APOOL: variants seen among roughly 807,000 people sequenced by gnomAD.
APOOL encodes the protein apolipoprotein O like.
A neutral mutation model predicts 23.1 loss-of-function variants in APOOL; 12 were observed. That is an observed-to-expected ratio of 0.52 (90% confidence interval 0.33 to 0.84). The LOEUF (loss-of-function observed/expected upper bound fraction) is 0.84, where lower values mean the gene tolerates loss of function less well. APOOL is among the 40% of genes least tolerant of loss of function. The pLI is 0.02. For synonymous variants in APOOL, 77 were observed against 69.9 expected (o/e 1.10, Z -0.51); for missense variants, 212 against 199.6 (o/e 1.06, Z -0.37).
At chrX:85,073,299 T>G (rs2040217193) in intron 6 of APOOL, among the ~76,000 whole-genome samples, 1 of 111,387 alleles carries the variant, frequency 9.0e-6, no homozygotes, top group Admixed American at 9.7e-5. Flanking sequence ...GAAATTACTT[T>G]AACTAAAATG....
At chrX:85,086,945 C>A (rs1449207915) in intron 8 of APOOL, among the ~76,000 whole-genome samples, 1 of 110,137 alleles carries the variant, frequency 9.1e-6, no homozygotes, top group Non-Finnish European at 1.9e-5. Flanking sequence ...GTGATCCGCC[C>A]GTCTCGGCCT....
At position 85,074,268 on chromosome X, in the gene APOOL, A is replaced by G. The variant is rs200281966; in HGVS notation, c.601-6A>G. ...CTTATGAAGGAAAAATCTGTTTGGT[A>G]AACAGCTAGGATCCTCTTCCGAAAT... is the stretch of plus-strand genomic sequence containing the variant. On this transcript the variant is annotated splice_polypyrimidine_tract_variant and splice_region_variant and intron_variant, in intron 7 of 8. Coordinates refer to ENST00000373173, the MANE Select transcript of APOOL (RefSeq NM_198450.6). 9.9e-6 allele frequency: 12 copies of G among 1,208,613 alleles called. No homozygotes were observed. The African/African-American group carries it at 2.1e-4, about 21-fold the overall frequency.
At chrX:85,065,514 A>T (rs952538703) in intron 5 of APOOL, among the ~76,000 whole-genome samples, 1 of 111,526 alleles carries the variant, frequency 9.0e-6, no homozygotes, top group Non-Finnish European at 1.9e-5. Flanking sequence ...AGTGGCTGGT[A>T]ATGGTTTTTC....
chrX:85,010,070 C>T (rs995090699), intron 1 of APOOL, among the ~76,000 whole-genome samples: 2 of 111,057 alleles, frequency 1.8e-5, no homozygotes, highest in African/African-American at 3.3e-5. Context: ...TGGGTTGATT[C>T]CATATCTTTG....
intron 8 of APOOL, among the ~76,000 whole-genome samples, chrX:85,083,279 A>T (rs1924177972): frequency 9.0e-6 from 1 of 111,543 alleles, no homozygotes; most frequent in African/African-American, 3.3e-5. Context: ...ATAACAGCAG[A>T]CCCACAGATG....
intron 1 of APOOL, among the ~76,000 whole-genome samples, chrX:85,028,600 G>A (rs1020702628): frequency 1.1e-4 from 12 of 109,302 alleles, no homozygotes; most frequent in Admixed American, 5.8e-4. Context: ...GACTCTAGTC[G>A]CACTATTGTG....
chrX:85,058,477 A>G (rs1253425953), intron 5 of APOOL, among the ~76,000 whole-genome samples: 3 of 111,468 alleles, frequency 2.7e-5, no homozygotes, highest in African/African-American at 9.8e-5. Context: ...TCTATCATTG[A>G]TGGACATTTG....
chrX:85,034,416 A>G (rs1922142881), intron 1 of APOOL, among the ~76,000 whole-genome samples: 1 of 111,339 alleles, frequency 9.0e-6, no homozygotes, highest in African/African-American at 3.3e-5. Context: ...TTTTTAGTAA[A>G]AATAATAGGC....
intron 1 of APOOL, among the ~76,000 whole-genome samples, chrX:85,017,447 T>C (rs1325420374): frequency 1.8e-5 from 2 of 111,935 alleles, no homozygotes; most frequent in African/African-American, 6.5e-5. Context: ...CAAGCGCGGC[T>C]TTCAGGCCCT....
chrX:85,070,594 A>G (rs865999312), intron 6 of APOOL, among the ~76,000 whole-genome samples: 1 of 111,829 alleles, frequency 8.9e-6, no homozygotes, highest in Non-Finnish European at 1.9e-5. Flanking sequence ...AAGATTGAAT[A>G]TATTCAAGGT....
chrX:85,004,056 T>C (rs977913905), intron 1 of APOOL, 129 bp downstream of exon 1: 5 of 842,308 alleles, frequency 5.9e-6, no homozygotes, highest in Non-Finnish European at 8.7e-6. Context: ...TTTGAGATAA[T>C]TGCAATCTTT....
intron 1 of APOOL, among the ~76,000 whole-genome samples, chrX:85,024,501 C>A (rs887574137): frequency 4.4e-5 from 5 of 112,429 alleles, no homozygotes; most frequent in Non-Finnish European, 7.5e-5. Flanking sequence ...AATTGCCCTG[C>A]AGTTTTATCC....
Position 85,048,081 on chromosome X carries a change from C to T in APOOL, c.120+1531C>T, listed in dbSNP as rs145331525. On this transcript the variant is annotated intron_variant, in intron 2 of 8. Transcript: ENST00000373173. ...TTCCTTAGAATGAATTTCTATAAGC[C>T]GAAGTGTAGGTCAAAAGGCATAAAA... Among the ~76,000 whole-genome samples, 157 of 110,773 alleles carry T rather than the reference C, an allele frequency of 1.4e-3. 1 individual carries two copies. The highest frequency in any genetic ancestry group is 4.8e-3 in the African/African-American group (148 of 30,594).
chrX:85,052,098 C>T (rs1247843448), intron 3 of APOOL, among the ~76,000 whole-genome samples: 1 of 112,072 alleles, frequency 8.9e-6, no homozygotes, highest in Non-Finnish European at 1.9e-5. Context: ...CTATATTGAA[C>T]CTACTCTACC....
At chrX:85,026,108 G>A (rs1921834177) in intron 1 of APOOL, among the ~76,000 whole-genome samples, 1 of 113,431 alleles carries the variant, frequency 8.8e-6, no homozygotes, top group Admixed American at 9.2e-5. Context: ...AGGCTGCCAA[G>A]TATTTATCAC....
intron 2 of APOOL, among the ~76,000 whole-genome samples, chrX:85,048,589 G>T (rs1922656509): frequency 8.9e-6 from 1 of 111,996 alleles, no homozygotes; most frequent in Non-Finnish European, 1.9e-5. Context: ...CTTGAGGAAT[G>T]TAGAATTTCT....
rs185194687 is a variant in APOOL, at chrX:85,090,019, G to T, written c.*2341G>T. 9.2e-5 allele frequency: 10 copies of T among 108,568 alleles called. No individual in the cohort carries two copies. The highest frequency in any genetic ancestry group is 3.4e-4 in the African/African-American group (10 of 29,781). The allele number at this position is 108,568 out of a possible 1,213,427, so 8.9% of individuals were successfully genotyped here. ...TTATAGCCTAGAATTAGGCAGTATAGGGTTGGGACAGTGGCTCATTGGTGC... is the reference window on the plus strand; with the variant it reads ...TTATAGCCTAGAATTAGGCAGTATATGGTTGGGACAGTGGCTCATTGGTGC... On this transcript the variant is annotated 3_prime_UTR_variant, in exon 9 of 9. Coordinates refer to ENST00000373173, the MANE Select transcript of APOOL (RefSeq NM_198450.6).
At chrX:85,079,812 G>A (rs1015948044) in intron 8 of APOOL, among the ~76,000 whole-genome samples, 70 of 111,641 alleles carry the variant, frequency 6.3e-4, no homozygotes, top group Non-Finnish European at 1.2e-3. Flanking sequence ...TCCTGGTTTA[G>A]TCTTGGGAGG....
intron 1 of APOOL, among the ~76,000 whole-genome samples, chrX:85,033,514 T>C (rs1922112834): frequency 8.9e-6 from 1 of 112,115 alleles, no homozygotes; most frequent in Non-Finnish European, 1.9e-5. Context: ...AACCAATCCT[T>C]ATGTCTGCCT....
Sources: gnomAD v4.1 joint callset for allele counts (sites outside exome capture counted in the v4.1 genomes callset) on GRCh38, gnomAD v4.1.1 for gene constraint, MANE v1.5 for transcripts, NCBI Gene and HGNC (gene_info 2026-07-23, HGNC 2026-07-21) for gene names.